The following ZCCHC14 variants were observed in gnomAD, a reference collection of about 807,000 sequenced individuals.
ZCCHC14 encodes zinc finger CCHC-type containing 14.
In ZCCHC14, 16 loss-of-function variants were observed where a neutral mutation model predicts 85.0. That is an observed-to-expected ratio of 0.19 (90% CI 0.13 to 0.29). The LOEUF (loss-of-function observed/expected upper bound fraction) is 0.29, where lower values mean the gene tolerates loss of function less well. Among genes scored for constraint, ZCCHC14 ranks in the 10% least tolerant of loss-of-function variants. The pLI is 1.00. For missense variants in ZCCHC14, 1,303 were observed against 1,443.5 expected, an observed-to-expected ratio of 0.90 and a Z score of 1.58; for synonymous variants, 775 against 630.7, an observed-to-expected ratio of 1.23 and a Z score of -3.43.
rs573292680 is a variant in ZCCHC14 at position 87,433,271 on chromosome 16, G to A, written c.695-70C>T. On this transcript the variant is annotated intron_variant, in intron 2 of 12. Transcript: ENST00000671377. ...GTATATACATGATTATTTAGCATTT[G>A]ATATTCAGCAGTTTTCAAAACCAGG... 3.4e-6 allele frequency: 5 copies of A among 1,455,066 alleles called. No homozygotes were observed. The South Asian group carries it at 4.8e-5, about 14-fold the overall frequency. 90.1% of individuals were successfully genotyped at this position (1,455,066 alleles called of 1,614,324 possible).
chr16:87,458,680 A>G (rs1911097916), intron 2 of ZCCHC14, among the ~76,000 whole-genome samples: 1 of 152,188 alleles, frequency 6.6e-6, no homozygotes, highest in South Asian at 2.1e-4. Flanking sequence ...GGAAGGCACG[A>G]AGCGCCGTGC....
At chr16:87,455,026 C>T (rs1910884999) in intron 2 of ZCCHC14, among the ~76,000 whole-genome samples, 1 of 152,246 alleles carries the variant, frequency 6.6e-6, no homozygotes, top group African/African-American at 2.4e-5. Flanking sequence ...CCGTGGCTCA[C>T]ATCTGTAATC....
chr16:87,438,460 C>T (rs1184328925), intron 2 of ZCCHC14, among the ~76,000 whole-genome samples: 2 of 152,170 alleles, frequency 1.3e-5, no homozygotes, highest in Non-Finnish European at 2.9e-5. Context: ...GTCTTCCAGC[C>T]AGTAGCAACT....
At chr16:87,453,407 C>T (rs1164020894) in intron 2 of ZCCHC14, among the ~76,000 whole-genome samples, 2 of 152,256 alleles carry the variant, frequency 1.3e-5, no homozygotes, top group South Asian at 4.1e-4. Flanking sequence ...TGGGAGGGTG[C>T]GGGTTTGTGC....
rs1912771541 is a variant in ZCCHC14, at chr16:87,491,592, T to G, written c.570+77A>C. On this transcript the variant is annotated intron_variant, in intron 1 of 12. Transcript: ENST00000671377. The surrounding 1 kb of genome is among the most constrained non-coding windows in gnomAD (Gnocchi z 5.9). Reference sequence around the variant, plus strand: ...GGAGGCGTGGGTCGGGGGGTCGCGGTGCAGGCTGGAGGCTTGGAGTGCAGA... The same window carrying G: ...GGAGGCGTGGGTCGGGGGGTCGCGGGGCAGGCTGGAGGCTTGGAGTGCAGA... 4.6e-6 allele frequency: 6 copies of G among 1,291,212 alleles called. No homozygotes were observed. In the South Asian group the frequency reaches 1.2e-4, roughly 25 times the overall value. The allele number at this position is 1,291,212 out of a possible 1,614,324, so 80.0% of individuals were successfully genotyped here. A position where few individuals can be genotyped will look rare whatever the true frequency, so the allele number is the denominator to read the frequency against.
At chr16:87,472,033 C>A (rs569177085) in intron 1 of ZCCHC14, 2 of 152,228 alleles carry the variant, frequency 1.3e-5, no homozygotes, top group Non-Finnish European at 2.9e-5. Context: ...CTACCCTCCA[C>A]TAAAAAAAAC....
chr16:87,456,204 C>G (rs1910951191), intron 2 of ZCCHC14, among the ~76,000 whole-genome samples: 1 of 152,126 alleles, frequency 6.6e-6, no homozygotes, highest in Non-Finnish European at 1.5e-5. Flanking sequence ...CAGCACAACC[C>G]AGGAAAGGCC....
In ZCCHC14 at chr16:87,416,262, C is replaced by T. The variant is rs1257359232; in HGVS notation, c.1384-895G>A. Among the ~76,000 whole-genome samples, 3 of 152,162 alleles carry T rather than the reference C, an allele frequency of 2.0e-5. No individual in the cohort carries two copies. The South Asian group carries it at 6.2e-4, about 32-fold the overall frequency. On this transcript the variant is annotated intron_variant, in intron 8 of 12. Coordinates refer to ENST00000671377, the MANE Select transcript of ZCCHC14 (RefSeq NM_015144.3). The stretch of plus-strand genomic sequence containing the variant: ...CAACTTTGTCAGGTAGCAAGTGATG[C>T]AGAAAAGCAGATGCCATCCACGCTG...
At chr16:87,470,013 G>A (rs772019557) in intron 1 of ZCCHC14, among the ~76,000 whole-genome samples, 3 of 152,204 alleles carry the variant, frequency 2.0e-5, no homozygotes, top group Non-Finnish European at 4.4e-5. Flanking sequence ...GCTGAGGCAG[G>A]AGGATCGCTT....
At chr16:87,454,258 T>G (rs1001772147) in intron 2 of ZCCHC14, among the ~76,000 whole-genome samples, 1 of 152,216 alleles carries the variant, frequency 6.6e-6, no homozygotes. Context: ...CAATACTGGC[T>G]GAAAAGTTTC....
Position 87,411,765 on chromosome 16 carries a change from C to A in ZCCHC14, c.2956G>T (p.Val986Phe). The change falls in exon 12 of 13, where the codon GTC becomes TTC. Residue 986 changes from valine to phenylalanine, a missense_variant. This residue lies in a region of ZCCHC14 where 797 missense variants were observed against 730.8 expected (regional missense o/e 1.09). Transcript: ENST00000671377. ...QQYGGGSTFP[V>F]VHAPYSSSGT... ...CTGCTGCTGTAAGGGGCGTGCACGA[C>A]GGGGAAGGTGGAGCCGCCGCCGTAC... 6.2e-7 allele frequency: 1 copy of A among 1,611,910 alleles called. No individual in the cohort carries two copies. The highest frequency in any genetic ancestry group is 1.1e-5 in the South Asian group (1 of 91,020).
At chr16:87,411,328 G>T in intron 12 of ZCCHC14, 188 bp downstream of exon 12, 1 of 1,481,722 alleles carries the variant, frequency 6.7e-7, no homozygotes, top group South Asian at 1.4e-5. Flanking sequence ...CATCATGGCC[G>T]TTTTAGACCC....
chr16:87,446,744 C>T (rs1004389892), intron 2 of ZCCHC14, among the ~76,000 whole-genome samples: 2 of 151,934 alleles, frequency 1.3e-5, no homozygotes, highest in African/African-American at 2.4e-5. Context: ...GGCTGGAGTG[C>T]AGTGACGCGA....
Position 87,442,012 on chromosome 16 carries a change from G to A in ZCCHC14, c.695-8811C>T, listed in dbSNP as rs1425808618. Among the ~76,000 whole-genome samples the A allele has an allele frequency of 2.6e-5, 4 of 152,236 alleles. No homozygotes were observed. In the South Asian group the frequency reaches 8.3e-4, roughly 32 times the overall value. ...GTCACTGAAGTGCACAGCAGAGAGG[G>A]CTAAAGCCCCAGCTTTCTGGCTGGA... On this transcript the variant is annotated intron_variant, in intron 2 of 12. Transcript: ENST00000671377.
At chr16:87,411,463 G>A (rs1056988309) in intron 12 of ZCCHC14, 53 bp downstream of exon 12, 3 of 1,587,936 alleles carry the variant, frequency 1.9e-6, no homozygotes, top group African/African-American at 1.4e-5. Context: ...CCAAGCATTT[G>A]TGTGCACTGG....
At position 87,414,393 on chromosome 16, in the gene ZCCHC14, GCC is replaced by G. The variant is rs1908667163; in HGVS notation, c.1603+19_1603+20del. On this transcript the variant is annotated intron_variant, in intron 10 of 12. Coordinates refer to ENST00000671377, the MANE Select transcript of ZCCHC14 (RefSeq NM_015144.3). ...CTCTCTGTGTATGAGTAACCCATCT[GCC>G]CGACACACCCTTGTTCACCTGCTGC... 6.2e-7 allele frequency: 1 copy of G among 1,612,442 alleles called. No individual in the cohort carries two copies. Among genetic ancestry groups the G allele is most frequent in the African/African-American group, 1.3e-5 (1 of 74,908 alleles).
At chr16:87,487,755 T>A (rs1912575997) in intron 1 of ZCCHC14, among the ~76,000 whole-genome samples, 1 of 152,222 alleles carries the variant, frequency 6.6e-6, no homozygotes, top group Admixed American at 6.5e-5. Flanking sequence ...CGCTGAAGAA[T>A]GCGTGAGCAC....
At chr16:87,432,568 C>G (rs928152853) in intron 3 of ZCCHC14, among the ~76,000 whole-genome samples, 1 of 152,120 alleles carries the variant, frequency 6.6e-6, no homozygotes, top group Non-Finnish European at 1.5e-5. Flanking sequence ...TGATGGGGTA[C>G]AGCGTCCAGG....
chr16:87,438,240 C>T (rs375616564), intron 2 of ZCCHC14, among the ~76,000 whole-genome samples: 1 of 152,286 alleles, frequency 6.6e-6, no homozygotes, highest in Non-Finnish European at 1.5e-5. Context: ...GCCGGCTGGA[C>T]GGCGTGCACG....
Sources: gnomAD v4.1 joint callset for allele counts (sites outside exome capture counted in the v4.1 genomes callset) on GRCh38, gnomAD v4.1.1 for gene constraint, gnomAD v4.1.1 regional missense constraint, Gnocchi (gnomAD v3.1) non-coding constraint, MANE v1.5 for transcripts, NCBI Gene and HGNC (gene_info 2026-07-23, HGNC 2026-07-21) for gene names.